The following APBA1 variants were observed in gnomAD, a reference collection of about 807,000 sequenced individuals.
The protein encoded by APBA1 is amyloid beta precursor protein binding family A member 1, also known as amyloid-beta A4 precursor protein-binding family A member 1.
Under a neutral mutation model 86.6 loss-of-function variants are expected in APBA1, and 55 were observed. The ratio of observed to expected loss-of-function variants is 0.64; its 90% CI spans 0.51 to 0.80. The LOEUF is 0.80. APBA1 is among the 30% of genes least tolerant of loss of function. The probability of loss-of-function intolerance (pLI) is 0.00; values close to 1 mark genes in which losing one functional copy is unlikely to be tolerated. For missense variants in APBA1, 1,090 were observed against 1,183.0 expected (o/e 0.92, Z 1.15); for synonymous variants, 511 against 493.9 (o/e 1.03, Z -0.46).
chr9:69,583,778 G>A (rs536450710), intron 1 of APBA1, among the ~76,000 whole-genome samples: 4 of 152,242 alleles, frequency 2.6e-5, no homozygotes, highest in South Asian at 2.1e-4. Context: ...GTGATACTGC[G>A]GAATCATTAA....
At chr9:69,561,231 C>A (rs1836941392) in intron 1 of APBA1, among the ~76,000 whole-genome samples, 1 of 152,120 alleles carries the variant, frequency 6.6e-6, no homozygotes, top group Non-Finnish European at 1.5e-5. Flanking sequence ...CTTCTTTCAT[C>A]CAGAAACTTG....
At chr9:69,465,450 T>C (rs1835262314) in intron 5 of APBA1, 1 of 152,266 alleles carries the variant, frequency 6.6e-6, no homozygotes, top group Non-Finnish European at 1.5e-5. Flanking sequence ...TGACTTTGCC[T>C]GAGAAGCAGC....
chr9:69,490,911 T>C (rs1023606765), intron 2 of APBA1, among the ~76,000 whole-genome samples: 1 of 151,924 alleles, frequency 6.6e-6, no homozygotes, highest in African/African-American at 2.4e-5. Context: ...TGAGCTACCA[T>C]CTCACACCAG....
At chr9:69,497,823 T>G (rs1260810169) in intron 2 of APBA1, among the ~76,000 whole-genome samples, 1 of 152,094 alleles carries the variant, frequency 6.6e-6, no homozygotes, top group Non-Finnish European at 1.5e-5. Context: ...ATCGGTCACT[T>G]CGGGATCTGC....
intron 2 of APBA1, among the ~76,000 whole-genome samples, chr9:69,495,424 C>T (rs1449850113): frequency 1.3e-5 from 2 of 152,102 alleles, no homozygotes; most frequent in African/African-American, 4.8e-5. Flanking sequence ...GCTCTAGTGC[C>T]TCCACTTGAG....
chr9:69,668,446 C>T lies in APBA1; in HGVS notation c.-70+3707G>A, dbSNP rs961686621. ...CTTAGGTGTGTTCCCTTCTTGCCTC[C>T]CACTGCCTCTTTCCATCTTTCCCCT... On this transcript the variant is annotated intron_variant, in intron 1 of 12. Transcript: ENST00000265381. Among the ~76,000 whole-genome samples, 10 of 152,172 alleles carry T rather than the reference C, an allele frequency of 6.6e-5. 1 individual carries two copies. The highest frequency in any genetic ancestry group is 1.3e-4 in the Admixed American group (2 of 15,282).
At chr9:69,669,178 A>G (rs1269625926) in intron 1 of APBA1, among the ~76,000 whole-genome samples, 2 of 152,200 alleles carry the variant, frequency 1.3e-5, no homozygotes, top group African/African-American at 4.8e-5. Flanking sequence ...ATTGTAACCC[A>G]GAGAGTTAAC....
intron 11 of APBA1, among the ~76,000 whole-genome samples, chr9:69,439,239 A>G (rs940676078): frequency 7.9e-6 from 1 of 125,792 alleles, no homozygotes; most frequent in Admixed American, 8.1e-5. Context: ...ACTTTGGTGA[A>G]TCTGACAATT....
At chr9:69,635,214 CAG>C (rs1419514965) in intron 1 of APBA1, among the ~76,000 whole-genome samples, 3 of 151,912 alleles carry the variant, frequency 2.0e-5, no homozygotes, top group Admixed American at 1.3e-4. Flanking sequence ...AGTTTAAAAT[CAG>C]GGGATGAAGT....
intron 2 of APBA1, among the ~76,000 whole-genome samples, chr9:69,488,008 T>G (rs1045234492): frequency 7.2e-5 from 11 of 152,018 alleles, no homozygotes; most frequent in African/African-American, 2.4e-4. Flanking sequence ...AATAAATAGA[T>G]GGATAGTAGA....
chr9:69,487,540 G>A (rs1835631229), intron 2 of APBA1, among the ~76,000 whole-genome samples: 1 of 152,072 alleles, frequency 6.6e-6, no homozygotes, highest in Non-Finnish European at 1.5e-5. Context: ...GCAGTGTTGA[G>A]AGGCAGAACT....
At position 69,456,977 on chromosome 9, in the gene APBA1, G is replaced by T. The variant is rs142192144; in HGVS notation, c.1602+76C>A. The T allele has an allele frequency of 3.8e-4, 481 of 1,255,080 alleles. 2 individuals are homozygous for T. The highest frequency in any genetic ancestry group is 1.3e-3 in the South Asian group (110 of 82,442). The allele number at this position is 1,255,080 out of a possible 1,614,324, so 77.7% of individuals were successfully genotyped here. On this transcript the variant is annotated intron_variant, in intron 7 of 12. Coordinates refer to ENST00000265381, the MANE Select transcript of APBA1 (RefSeq NM_001163.4). The stretch of plus-strand genomic sequence containing the variant: ...ACAGCTGCTCTACAGACACATGCCT[G>T]CTCTACAGACACATGCATCTCTGAG...
At chr9:69,456,981 T>C in intron 7 of APBA1, 72 bp downstream of exon 7, 1 of 1,302,256 alleles carries the variant, frequency 7.7e-7, no homozygotes, top group Non-Finnish European at 1.1e-6. Flanking sequence ...ATGCCTGCTC[T>C]ACAGACACAT....
chr9:69,514,361 C>A (rs1449017102), intron 2 of APBA1, among the ~76,000 whole-genome samples: 1 of 151,906 alleles, frequency 6.6e-6, no homozygotes, highest in East Asian at 1.9e-4. Flanking sequence ...GAAGCCAAGG[C>A]AGGCAGATCA....
chr9:69,625,631 T>A (rs1038336749), intron 1 of APBA1, among the ~76,000 whole-genome samples: 2 of 152,202 alleles, frequency 1.3e-5, no homozygotes, highest in Non-Finnish European at 2.9e-5. Context: ...ACTCACAGAC[T>A]CAATTAGTTT....
chr9:69,446,094 G>C (rs1206329275), intron 10 of APBA1, among the ~76,000 whole-genome samples: 1 of 152,228 alleles, frequency 6.6e-6, no homozygotes, highest in Non-Finnish European at 1.5e-5. Context: ...ATGCTGCTCT[G>C]CAGTGGCCCG....
chr9:69,615,723 A>G (rs914858539), intron 1 of APBA1, among the ~76,000 whole-genome samples: 3 of 152,212 alleles, frequency 2.0e-5, no homozygotes, highest in Admixed American at 6.5e-5. Context: ...TTCTCCACCT[A>G]TAGATTAGAC....
intron 2 of APBA1, among the ~76,000 whole-genome samples, chr9:69,486,775 G>A (rs940470153): frequency 6.6e-6 from 1 of 151,946 alleles, no homozygotes; most frequent in African/African-American, 2.4e-5. Flanking sequence ...ACTAGCAGCT[G>A]GAGCCCCATG....
At chr9:69,464,291 C>T (rs1336756372) in intron 5 of APBA1, 2 of 152,200 alleles carry the variant, frequency 1.3e-5, no homozygotes, top group Non-Finnish European at 2.9e-5. Flanking sequence ...GTAAAAGGAA[C>T]ATGAAACAGA....
Sources: gnomAD v4.1 joint callset for allele counts (sites outside exome capture counted in the v4.1 genomes callset) on GRCh38, gnomAD v4.1.1 for gene constraint, MANE v1.5 for transcripts, NCBI Gene and HGNC (gene_info 2026-07-23, HGNC 2026-07-21) for gene names.